SQOR: variants seen among roughly 807,000 people sequenced by gnomAD.
The protein encoded by SQOR is sulfide quinone oxidoreductase.
In SQOR, 39 loss-of-function variants were observed where a neutral mutation model predicts 48.6. The ratio of observed to expected loss-of-function variants is 0.80; its 90% CI spans 0.62 to 1.05. The LOEUF (loss-of-function observed/expected upper bound fraction) is 1.05, where lower values mean the gene tolerates loss of function less well. Among genes scored for constraint, SQOR ranks in the 50% least tolerant of loss-of-function variants. The probability of loss-of-function intolerance (pLI) is 0.00; values close to 1 mark genes in which losing one functional copy is unlikely to be tolerated. For synonymous variants in SQOR, 220 were observed against 206.2 expected (o/e 1.07, Z -0.57); for missense variants, 561 against 559.9 (o/e 1.00, Z -0.02).
chr15:45,690,330 T>G (rs907184090), intron 9 of SQOR, among the ~76,000 whole-genome samples: 3 of 152,162 alleles, frequency 2.0e-5, no homozygotes, highest in Non-Finnish European at 4.4e-5. Context: ...CCTCCCAAAG[T>G]GCTGGGATTA....
chr15:45,658,039 C>CT (rs1431982660), intron 1 of SQOR, among the ~76,000 whole-genome samples: 2 of 152,052 alleles, frequency 1.3e-5, no homozygotes, highest in Non-Finnish European at 2.9e-5. Context: ...TTAATTTCCT[C>CT]TCTGCCAAAG....
chr15:45,668,645 C>T (rs1208058909), intron 3 of SQOR, among the ~76,000 whole-genome samples: 1 of 152,198 alleles, frequency 6.6e-6, no homozygotes, highest in Non-Finnish European at 1.5e-5. Context: ...CTTGGCTCCT[C>T]AGCCAGAGCC....
chr15:45,632,949 A>T (rs966889134), upstream of SQOR, among the ~76,000 whole-genome samples: 4 of 151,884 alleles, frequency 2.6e-5, no homozygotes, highest in Non-Finnish European at 4.4e-5. Flanking sequence ...TACAAAAAAA[A>T]AAAATAAATA....
At chr15:45,633,671 G>A (rs570300526), upstream of SQOR, among the ~76,000 whole-genome samples, 64 of 145,214 alleles carry the variant, frequency 4.4e-4, no homozygotes, top group African/African-American at 1.5e-3. Context: ...TCCAGCCTGG[G>A]AGACGGAGTG....
At chr15:45,632,280 C>T (rs1370628102), upstream of SQOR, among the ~76,000 whole-genome samples, 3 of 147,862 alleles carry the variant, frequency 2.0e-5, no homozygotes, top group East Asian at 4.1e-4. Flanking sequence ...AGTGCAGTGG[C>T]ACGATCTTGG....
intron 1 of SQOR, among the ~76,000 whole-genome samples, chr15:45,656,667 C>G (rs1056640805): frequency 1.3e-5 from 2 of 152,134 alleles, no homozygotes; most frequent in Admixed American, 6.5e-5. Flanking sequence ...ACTCATTATT[C>G]TAAAACCCAG....
chr15:45,674,649 A>G (rs1890004376), intron 5 of SQOR, among the ~76,000 whole-genome samples: 1 of 152,116 alleles, frequency 6.6e-6, no homozygotes, highest in African/African-American at 2.4e-5. Flanking sequence ...AAGCAAAAAA[A>G]TGTTCTCATA....
chr15:45,685,238 G>T (rs775015600), intron 7 of SQOR, among the ~76,000 whole-genome samples: 1 of 152,162 alleles, frequency 6.6e-6, no homozygotes, highest in East Asian at 1.9e-4. Context: ...AGTACTAGCT[G>T]TTCCCAAGCA....
intron 1 of SQOR, among the ~76,000 whole-genome samples, chr15:45,650,190 A>G (rs1472023087): frequency 6.6e-6 from 1 of 152,098 alleles, no homozygotes; most frequent in Non-Finnish European, 1.5e-5. Context: ...CCCAGGCTAG[A>G]GTGCAATGGC....
chr15:45,667,919 T>G (rs540394214), intron 3 of SQOR, among the ~76,000 whole-genome samples: 1 of 148,538 alleles, frequency 6.7e-6, no homozygotes, highest in African/African-American at 2.5e-5. Context: ...TACATCATCT[T>G]TCTTTATTTC....
chr15:45,688,270 T>G, intron 7 of SQOR, 67 bp from the exon 8 acceptor site: 1 of 1,148,512 alleles, frequency 8.7e-7, no homozygotes, highest in South Asian at 1.3e-5. Flanking sequence ...TTAAAGTTAT[T>G]TGCAAATTAG....
chr15:45,644,301 G>T (rs537927642), intron 1 of SQOR, among the ~76,000 whole-genome samples: 8 of 152,238 alleles, frequency 5.3e-5, no homozygotes, highest in African/African-American at 1.7e-4. Flanking sequence ...GGCCAGGCTG[G>T]TCTTAAACTC....
intron 1 of SQOR, chr15:45,645,886 G>A (rs1895195488): frequency 6.6e-6 from 1 of 152,156 alleles, no homozygotes; most frequent in Admixed American, 6.5e-5. Context: ...TGGGTGCAGG[G>A]AGTTTTCCCA....
chr15:45,677,933 G>T (rs12911462), intron 6 of SQOR, among the ~76,000 whole-genome samples: 1 of 152,038 alleles, frequency 6.6e-6, no homozygotes, highest in Middle Eastern at 3.4e-3. Context: ...GTCTCGAACT[G>T]CTGACCTCAA....
At chr15:45,686,184 C>G (rs1006729164) in intron 7 of SQOR, among the ~76,000 whole-genome samples, 1 of 151,858 alleles carries the variant, frequency 6.6e-6, no homozygotes. Flanking sequence ...TGGAGTCTTG[C>G]TCTGTTGCCC....
At chr15:45,675,694 C>T (rs1162691304) in intron 5 of SQOR, among the ~76,000 whole-genome samples, 2 of 152,222 alleles carry the variant, frequency 1.3e-5, no homozygotes, top group Non-Finnish European at 2.9e-5. Flanking sequence ...GGTACTGCGC[C>T]TGGCTGGAAC....
At chr15:45,639,669 G>A (rs1264231946) in intron 1 of SQOR, among the ~76,000 whole-genome samples, 1 of 152,188 alleles carries the variant, frequency 6.6e-6, no homozygotes, top group Admixed American at 6.5e-5. Flanking sequence ...TGTCTCCATA[G>A]GAAAATGATG....
intron 3 of SQOR, among the ~76,000 whole-genome samples, chr15:45,663,934 A>G (rs1208968817): frequency 6.6e-6 from 1 of 152,216 alleles, no homozygotes; most frequent in East Asian, 1.9e-4. Flanking sequence ...GAACAAAAAC[A>G]GACACAAATT....
intron 1 of SQOR, among the ~76,000 whole-genome samples, chr15:45,644,286 A>T (rs961905457): frequency 6.6e-6 from 1 of 152,092 alleles, no homozygotes; most frequent in Non-Finnish European, 1.5e-5. Context: ...GGGTTTCACC[A>T]TGTTGGCCAG....
Sources: gnomAD v4.1 joint callset for allele counts (sites outside exome capture counted in the v4.1 genomes callset) on GRCh38, gnomAD v4.1.1 for gene constraint, MANE v1.5 for transcripts, NCBI Gene and HGNC (gene_info 2026-07-23, HGNC 2026-07-21) for gene names.